The following TAFA2 variants were observed in gnomAD, a reference collection of about 807,000 sequenced individuals.
The protein encoded by TAFA2 is chemokine-like protein TAFA-2.
TAFA2 carries 7 observed loss-of-function variants against 18.8 expected under a neutral mutation model. The observed-to-expected ratio is 0.37, with a 90% confidence interval of 0.21 to 0.70. The LOEUF is 0.70. TAFA2 is among the 30% of genes least tolerant of loss of function. The pLI is 0.53. For synonymous variants in TAFA2, 60 were observed against 54.2 expected (o/e 1.11, Z -0.47); for missense variants, 122 against 158.1 (o/e 0.77, Z 1.23).
chr12:62,219,802 A>G (rs763227198), intron 1 of TAFA2, among the ~76,000 whole-genome samples: 3 of 152,006 alleles, frequency 2.0e-5, no homozygotes, highest in Non-Finnish European at 4.4e-5. Context: ...TAGGTTGTTA[A>G]AGTAAAGAAA....
intron 1 of TAFA2, among the ~76,000 whole-genome samples, chr12:62,042,298 G>T (rs148708362): frequency 1.3e-5 from 2 of 152,110 alleles, no homozygotes; most frequent in African/African-American, 4.8e-5. Flanking sequence ...CCACAATTAG[G>T]TTCAAACAGA....
intron 2 of TAFA2, among the ~76,000 whole-genome samples, chr12:61,835,330 A>G (rs1437657531): frequency 1.3e-5 from 2 of 152,014 alleles, no homozygotes; most frequent in East Asian, 1.9e-4. Flanking sequence ...CCAAATTTTG[A>G]GCACTTTCCA....
chr12:61,813,000 C>T (rs1348108632), intron 2 of TAFA2, among the ~76,000 whole-genome samples: 2 of 151,492 alleles, frequency 1.3e-5, no homozygotes, highest in Non-Finnish European at 2.9e-5. Context: ...ACAAAAAATG[C>T]TTTGCAAAAA....
intron 2 of TAFA2, among the ~76,000 whole-genome samples, chr12:61,776,924 G>C (rs1287425341): frequency 1.3e-5 from 2 of 151,688 alleles, no homozygotes; most frequent in Admixed American, 1.3e-4. Flanking sequence ...TTTGGTCCTG[G>C]AGTGTGTTGT....
At chr12:61,737,475 A>T (rs1868323169) in intron 4 of TAFA2, among the ~76,000 whole-genome samples, 1 of 151,918 alleles carries the variant, frequency 6.6e-6, no homozygotes, top group Non-Finnish European at 1.5e-5. Flanking sequence ...TCAGAGAATC[A>T]GATGGGTAAT....
At chr12:61,839,800 T>C (rs1873095753) in intron 2 of TAFA2, among the ~76,000 whole-genome samples, 1 of 151,962 alleles carries the variant, frequency 6.6e-6, no homozygotes, top group Admixed American at 6.6e-5. Flanking sequence ...AAGGGATCAT[T>C]AGAAGTCCAA....
chr12:61,836,710 T>A (rs114208298), intron 2 of TAFA2, among the ~76,000 whole-genome samples: 365 of 145,334 alleles, frequency 2.5e-3, no homozygotes, highest in African/African-American at 8.8e-3. Context: ...TAGCACTTAG[T>A]ATTTAGAATT....
chr12:61,886,669 A>C (rs933224363), intron 1 of TAFA2, among the ~76,000 whole-genome samples: 1 of 152,148 alleles, frequency 6.6e-6, no homozygotes, highest in African/African-American at 2.4e-5. Flanking sequence ...GTTGATCACT[A>C]AGGGCTTACA....
At chr12:61,907,887 C>T (rs1291404916) in intron 1 of TAFA2, among the ~76,000 whole-genome samples, 1 of 152,102 alleles carries the variant, frequency 6.6e-6, no homozygotes, top group Admixed American at 6.5e-5. Context: ...TTAATGACTG[C>T]CCTATTGAAT....
intron 1 of TAFA2, among the ~76,000 whole-genome samples, chr12:61,968,101 T>A (rs1389385835): frequency 6.6e-6 from 1 of 151,856 alleles, no homozygotes; most frequent in Non-Finnish European, 1.5e-5. Context: ...TATTAGATGC[T>A]CTTCTAGATA....
intron 2 of TAFA2, among the ~76,000 whole-genome samples, chr12:61,828,546 T>G (rs894880180): frequency 2.5e-4 from 38 of 151,812 alleles, no homozygotes; most frequent in African/African-American, 6.5e-4. Context: ...AATGGGAGAA[T>G]GTATAGTAGG....
chr12:61,958,595 G>A (rs1361715621), intron 1 of TAFA2, among the ~76,000 whole-genome samples: 1 of 151,326 alleles, frequency 6.6e-6, no homozygotes, highest in African/African-American at 2.4e-5. Flanking sequence ...TTATTTGTCT[G>A]TTGGCCATTT....
intron 2 of TAFA2, among the ~76,000 whole-genome samples, chr12:61,765,467 T>C (rs35062863): frequency 0.17 from 25,662 of 152,088 alleles, 2,713 homozygotes; most frequent in South Asian, 0.29. Flanking sequence ...ATATTCCTAG[T>C]AATAATGATA....
chr12:61,864,918 A>C (rs1471755231), intron 2 of TAFA2, among the ~76,000 whole-genome samples: 1 of 152,128 alleles, frequency 6.6e-6, no homozygotes, highest in Non-Finnish European at 1.5e-5. Context: ...GTTCTGGGTC[A>C]GAAACTGATA....
intron 2 of TAFA2, among the ~76,000 whole-genome samples, chr12:61,826,759 C>A (rs1002052793): frequency 4.7e-5 from 7 of 149,662 alleles, no homozygotes; most frequent in African/African-American, 7.3e-5. Flanking sequence ...TGAACTCTGT[C>A]TCTCTCTCTC....
At chr12:61,801,946 G>A (rs1326434698) in intron 2 of TAFA2, among the ~76,000 whole-genome samples, 1 of 151,948 alleles carries the variant, frequency 6.6e-6, no homozygotes, top group Non-Finnish European at 1.5e-5. Context: ...TTAAAAATGG[G>A]CAAAGGATCT....
intron 1 of TAFA2, among the ~76,000 whole-genome samples, chr12:62,054,511 T>A (rs1356250903): frequency 6.6e-6 from 1 of 152,194 alleles, no homozygotes; most frequent in African/African-American, 2.4e-5. Flanking sequence ...TTTAGTGAAC[T>A]GTAACTTATT....
intron 1 of TAFA2, among the ~76,000 whole-genome samples, chr12:62,058,910 T>A (rs1406583948): frequency 6.6e-6 from 1 of 152,132 alleles, no homozygotes; most frequent in African/African-American, 2.4e-5. Flanking sequence ...GAGACTATCC[T>A]GGCTAACACG....
intron 1 of TAFA2, among the ~76,000 whole-genome samples, chr12:62,054,599 C>T (rs1208368386): frequency 1.3e-5 from 2 of 152,146 alleles, no homozygotes; most frequent in African/African-American, 4.8e-5. Context: ...CTTTTAGAAC[C>T]TCATAAACTT....
Sources: allele counts gnomAD v4.1 joint callset (sites outside exome capture counted in the v4.1 genomes callset), GRCh38; gene constraint gnomAD v4.1.1; transcripts MANE v1.5; gene names NCBI Gene and HGNC (gene_info 2026-07-23, HGNC 2026-07-21).